The following FRAS1 variants were observed in gnomAD, a reference collection of about 807,000 sequenced individuals.
FRAS1 encodes Fraser extracellular matrix complex subunit 1.
FRAS1 carries 290 observed loss-of-function variants against 435.2 expected under a neutral mutation model. That is an observed-to-expected ratio of 0.67 (90% CI 0.61 to 0.73). The LOEUF (loss-of-function observed/expected upper bound fraction) is 0.73, where lower values mean the gene tolerates loss of function less well. Ranked by LOEUF, FRAS1 falls within the 30% of genes least tolerant of loss-of-function variation. FRAS1 has a pLI of 0.00. For synonymous variants in FRAS1, 1,800 were observed against 1,851.0 expected, an observed-to-expected ratio of 0.97 and a Z score of 0.71; for missense variants, 4,860 against 5,001.5, an observed-to-expected ratio of 0.97 and a Z score of 0.85.
intron 2 of FRAS1, among the ~76,000 whole-genome samples, chr4:78,164,616 C>T (rs545017898): frequency 1.3e-4 from 20 of 151,938 alleles, no homozygotes; most frequent in Admixed American, 2.0e-4. Flanking sequence ...ATGGAAAGAA[C>T]CTAAAGTTTA....
intron 18 of FRAS1, chr4:78,319,694 A>T: frequency 4.2e-6 from 1 of 237,034 alleles, no homozygotes; most frequent in East Asian, 9.5e-5. Context: ...ATAATATCTG[A>T]GTCTTTTTTC....
chr4:78,123,460 G>T (rs74733098), intron 2 of FRAS1, among the ~76,000 whole-genome samples: 1 of 152,158 alleles, frequency 6.6e-6, no homozygotes, highest in African/African-American at 2.4e-5. Flanking sequence ...GGCTATGCAG[G>T]CTCTTTTTTG....
At chr4:78,343,595 T>A (rs1334401534) in intron 20 of FRAS1, among the ~76,000 whole-genome samples, 1 of 152,156 alleles carries the variant, frequency 6.6e-6, no homozygotes, top group East Asian at 1.9e-4. Context: ...TTGAGTCCTT[T>A]CCATGATTTT....
Position 78,508,907 on chromosome 4 carries a change from G to A in FRAS1, c.9681G>A (p.Gln3227=). 1 of 1,613,960 alleles carries A rather than the reference G, an allele frequency of 6.2e-7. No individual in the cohort carries two copies. Among genetic ancestry groups the A allele is most frequent in the Non-Finnish European group, 8.5e-7 (1 of 1,179,878 alleles). The part of the protein sequence containing the change: ...SEAGINQTSV[Q]FSWEVAAPTD... ...CCGGCATCAACCAGACATCTGTGCAGTTCAGCTGGGAAGTGGCTGCCCCCA... is the reference window on the plus strand; with the variant it reads ...CCGGCATCAACCAGACATCTGTGCAATTCAGCTGGGAAGTGGCTGCCCCCA... Residue 3227 remains glutamine, a synonymous_variant, in exon 63 of 74, where the codon CAG becomes CAA. Coordinates refer to ENST00000512123, the MANE Select transcript of FRAS1 (RefSeq NM_025074.7).
intron 2 of FRAS1, among the ~76,000 whole-genome samples, chr4:78,184,097 G>A (rs1456932586): frequency 6.6e-6 from 1 of 152,160 alleles, no homozygotes; most frequent in Non-Finnish European, 1.5e-5. Context: ...ACTAGAGTTT[G>A]AGAAACACTG....
chr4:78,528,492 G>A (rs1351591636), intron 70 of FRAS1, among the ~76,000 whole-genome samples: 1 of 152,094 alleles, frequency 6.6e-6, no homozygotes, highest in Non-Finnish European at 1.5e-5. Flanking sequence ...TTTTTTTAGA[G>A]TGTTTTATAA....
intron 2 of FRAS1, among the ~76,000 whole-genome samples, chr4:78,194,856 TA>T (rs1457412587): frequency 6.6e-6 from 1 of 152,246 alleles, no homozygotes; most frequent in Non-Finnish European, 1.5e-5. Context: ...CTCTGATTTT[TA>T]CGGTTTTCTG....
intron 20 of FRAS1, among the ~76,000 whole-genome samples, chr4:78,357,407 A>G (rs1050566731): frequency 2.0e-5 from 3 of 152,022 alleles, no homozygotes; most frequent in Non-Finnish European, 4.4e-5. Flanking sequence ...GCCCAAGCCC[A>G]CTCTACTATT....
chr4:78,354,381 T>G lies in FRAS1; in HGVS notation c.2423-9132T>G, dbSNP rs568644707. 2.4e-4 allele frequency among the ~76,000 whole-genome samples: 37 copies of G among 152,354 alleles called. 1 individual carries two copies. The East Asian group carries it at 6.2e-3, about 25-fold the overall frequency. On this transcript the variant is annotated intron_variant, in intron 20 of 73. Transcript: ENST00000512123. ...GTTTTGTTTTGTTTTGTAGCTTTTG[T>G]ACTAATTCAAAGCCTCTAAAGAGAA... is the stretch of plus-strand genomic sequence containing the variant.
At chr4:78,280,670 A>C (rs888822957) in intron 10 of FRAS1, among the ~76,000 whole-genome samples, 1 of 150,834 alleles carries the variant, frequency 6.6e-6, no homozygotes, top group African/African-American at 2.4e-5. Flanking sequence ...GTGTAGTGTT[A>C]ACAGTGCAGA....
intron 7 of FRAS1, among the ~76,000 whole-genome samples, chr4:78,266,356 A>T (rs1411510070): frequency 6.6e-6 from 1 of 152,184 alleles, no homozygotes. Flanking sequence ...ATTTTGTTTC[A>T]TGTGGGAGGA....
intron 2 of FRAS1, among the ~76,000 whole-genome samples, chr4:78,173,753 C>T (rs1044494565): frequency 7.2e-5 from 11 of 152,278 alleles, no homozygotes; most frequent in South Asian, 4.1e-4. Flanking sequence ...TCTTAACAGG[C>T]GGCACTATGT....
intron 2 of FRAS1, among the ~76,000 whole-genome samples, chr4:78,070,311 A>G (rs527576881): frequency 5.3e-4 from 80 of 151,628 alleles, no homozygotes; most frequent in Non-Finnish European, 1.0e-3. Flanking sequence ...TGTTTCCCCA[A>G]TTTTTGACAG....
At chr4:78,303,120 T>C in intron 14 of FRAS1, among the ~76,000 whole-genome samples, 1 of 152,214 alleles carries the variant, frequency 6.6e-6, no homozygotes, top group East Asian at 1.9e-4. Context: ...AGGGAATCCT[T>C]TCCCCATTGC....
At chr4:78,201,565 A>G (rs1467278096) in intron 2 of FRAS1, among the ~76,000 whole-genome samples, 2 of 152,190 alleles carry the variant, frequency 1.3e-5, no homozygotes, top group African/African-American at 4.8e-5. Flanking sequence ...TCAGAGGTTT[A>G]TAAGGGCTCT....
chr4:78,281,688 C>A lies in FRAS1; in HGVS notation c.1107+255C>A, dbSNP rs114040134. 1.8e-3 allele frequency among the ~76,000 whole-genome samples: 267 copies of A among 152,236 alleles called. 3 individuals are homozygous for A. The highest frequency in any genetic ancestry group is 5.8e-3 in the African/African-American group (239 of 41,554). The stretch of plus-strand genomic sequence containing the variant: ...ACAAGCTCCTACATAGATTCTTTCC[C>A]TTTCTTGTGATGTTTTTCTCTCCCT... On this transcript the variant is annotated intron_variant, in intron 11 of 73. Coordinates refer to ENST00000512123, the MANE Select transcript of FRAS1 (RefSeq NM_025074.7).
intron 70 of FRAS1, among the ~76,000 whole-genome samples, chr4:78,528,910 C>G (rs1721627479): frequency 6.6e-6 from 1 of 152,116 alleles, no homozygotes; most frequent in Non-Finnish European, 1.5e-5. Context: ...GCTCCCTTTC[C>G]CGTGCATTCT....
chr4:78,457,109 T>C (rs554990691), intron 47 of FRAS1, among the ~76,000 whole-genome samples: 93 of 152,316 alleles, frequency 6.1e-4, no homozygotes, highest in African/African-American at 2.1e-3. Context: ...CTTGGCTAGA[T>C]GAAGAAAAGA....
At chr4:78,063,253 A>T (rs1739840195) in intron 1 of FRAS1, among the ~76,000 whole-genome samples, 1 of 152,056 alleles carries the variant, frequency 6.6e-6, no homozygotes. Flanking sequence ...AAACCCCTCA[A>T]CTTCATCTGC....
Sources: allele counts gnomAD v4.1 joint callset (sites outside exome capture counted in the v4.1 genomes callset), GRCh38; gene constraint gnomAD v4.1.1; transcripts MANE v1.5; gene names NCBI Gene and HGNC (gene_info 2026-07-23, HGNC 2026-07-21).